The following LRRC49 variants were observed in gnomAD, a reference collection of about 807,000 sequenced individuals.
LRRC49 encodes leucine rich repeat containing 49.
A neutral mutation model predicts 83.3 loss-of-function variants in LRRC49; 50 were observed. The ratio of observed to expected loss-of-function variants is 0.60; its 90% CI spans 0.48 to 0.76. The LOEUF (loss-of-function observed/expected upper bound fraction) is 0.76. LRRC49 is among the 30% of genes least tolerant of loss of function. The pLI is 0.00. For missense variants in LRRC49, 704 were observed against 809.1 expected (o/e 0.87, Z 1.58); for synonymous variants, 286 against 283.3 (o/e 1.01, Z -0.10).
intron 1 of LRRC49, among the ~76,000 whole-genome samples, chr15:70,860,623 C>G (rs916397375): frequency 6.6e-6 from 1 of 152,104 alleles, no homozygotes; most frequent in Non-Finnish European, 1.5e-5. Context: ...GTTGTCCAGG[C>G]TGGTTTCTAA....
chr15:70,891,898 T>C, upstream of LRRC49: 1 of 1,613,132 alleles, frequency 6.2e-7, no homozygotes, highest in Non-Finnish European at 8.5e-7. Flanking sequence ...AGACTGGACC[T>C]GGGGCAGCCT....
At chr15:70,984,559 GC>G (rs1276551955) in intron 11 of LRRC49, 1 of 181,790 alleles carries the variant, frequency 5.5e-6, no homozygotes, top group Non-Finnish European at 1.1e-5. Flanking sequence ...ATGTTCTTCT[GC>G]TATTGCAGCA....
At chr15:70,853,779 G>T in intron 1 of LRRC49, 2 of 829,992 alleles carry the variant, frequency 2.4e-6, no homozygotes, top group Non-Finnish European at 1.6e-6. Context: ...CGGCGGGGCT[G>T]ACTCAACCCC....
chr15:70,998,772 CTT>C (rs71152323), intron 11 of LRRC49, among the ~76,000 whole-genome samples: 8 of 150,530 alleles, frequency 5.3e-5, no homozygotes, highest in East Asian at 1.9e-4. Flanking sequence ...ATTCTTTCTG[CTT>C]TTTTTTTTCT....
intron 14 of LRRC49, among the ~76,000 whole-genome samples, chr15:71,019,101 T>A (rs1446461693): frequency 1.3e-5 from 2 of 152,140 alleles, no homozygotes; most frequent in Non-Finnish European, 2.9e-5. Flanking sequence ...GTTCTCTGAA[T>A]CTTGTCCTTT....
intron 9 of LRRC49, among the ~76,000 whole-genome samples, chr15:70,976,271 C>A (rs2037203220): frequency 6.6e-6 from 1 of 152,042 alleles, no homozygotes; most frequent in Non-Finnish European, 1.5e-5. Context: ...CTAGGTGTGA[C>A]CCTGCAAAAA....
At position 71,037,160 on chromosome 15, in the gene LRRC49, CTT is replaced by C; in HGVS notation, c.1704-17_1704-16del. 1 of 1,575,242 alleles carries C rather than the reference CTT, an allele frequency of 6.3e-7. No individual in the cohort carries two copies. On this transcript the variant is annotated splice_polypyrimidine_tract_variant and intron_variant, in intron 14 of 15. Coordinates refer to ENST00000260382, the MANE Select transcript of LRRC49 (RefSeq NM_017691.5). Reference sequence around the variant, plus strand: ...GTCTGATAAGTAACTCTCTAAATCTCTTTACTGTCTTTCTACAGGAAAAAGCA... The same window carrying C: ...GTCTGATAAGTAACTCTCTAAATCTCTACTGTCTTTCTACAGGAAAAAGCA...
chr15:71,048,668 T>G, intron 15 of LRRC49: 1 of 406,796 alleles, frequency 2.5e-6, no homozygotes, highest in South Asian at 1.8e-5. Flanking sequence ...GTTAAATTCT[T>G]GATTAAACAA....
intron 11 of LRRC49, among the ~76,000 whole-genome samples, chr15:71,002,485 C>G (rs2038294862): frequency 6.6e-6 from 1 of 151,790 alleles, no homozygotes; most frequent in African/African-American, 2.4e-5. Flanking sequence ...TTTTCTCTGG[C>G]AGAAATTGGA....
chr15:70,900,881 G>A (rs1386364388), intron 3 of LRRC49, 41 bp from the exon 4 acceptor site: 3 of 1,242,434 alleles, frequency 2.4e-6, no homozygotes, highest in South Asian at 2.6e-5. Flanking sequence ...AGACTTCGAA[G>A]GTTTTTCTTA....
chr15:71,045,891 T>G (rs2039840304), intron 15 of LRRC49, among the ~76,000 whole-genome samples: 1 of 152,120 alleles, frequency 6.6e-6, no homozygotes, highest in Non-Finnish European at 1.5e-5. Context: ...GTTGTTCCCA[T>G]CTTCCATGTG....
chr15:70,980,005 C>A, intron 9 of LRRC49, 96 bp from the exon 10 acceptor site: 1 of 686,276 alleles, frequency 1.5e-6, no homozygotes, highest in Non-Finnish European at 2.5e-6. Context: ...AATACTATGC[C>A]TCTCAAGAAG....
chr15:70,966,412 A>G (rs1307511517), intron 9 of LRRC49, among the ~76,000 whole-genome samples: 3 of 152,064 alleles, frequency 2.0e-5, no homozygotes, highest in Non-Finnish European at 4.4e-5. Context: ...TGTTTCAATC[A>G]CTTCCTATCT....
intron 11 of LRRC49, among the ~76,000 whole-genome samples, chr15:71,000,457 A>G (rs999342945): frequency 2.0e-5 from 3 of 152,220 alleles, no homozygotes; most frequent in Admixed American, 1.3e-4. Context: ...TCTCTATAAT[A>G]TAACAATTTT....
intron 9 of LRRC49, among the ~76,000 whole-genome samples, chr15:70,978,645 A>C (rs2037291369): frequency 1.3e-5 from 2 of 152,180 alleles, no homozygotes; most frequent in African/African-American, 4.8e-5. Context: ...GACATATCAA[A>C]AGGATAGAAA....
chr15:70,961,968 G>T (rs2036615732), intron 8 of LRRC49, among the ~76,000 whole-genome samples: 1 of 152,196 alleles, frequency 6.6e-6, no homozygotes, highest in African/African-American at 2.4e-5. Flanking sequence ...TATTAAAAAT[G>T]TATGAAACAA....
chr15:70,911,133 T>C (rs2034532395), intron 5 of LRRC49, among the ~76,000 whole-genome samples: 1 of 152,194 alleles, frequency 6.6e-6, no homozygotes. Flanking sequence ...AGAATGCCTC[T>C]GTGGCTGGAG....
intron 2 of LRRC49, among the ~76,000 whole-genome samples, chr15:70,874,175 G>A (rs907143372): frequency 1.3e-5 from 2 of 152,154 alleles, no homozygotes; most frequent in Non-Finnish European, 1.5e-5. Flanking sequence ...AACAATCCTG[G>A]AAGTGTTCTA....
intron 1 of LRRC49, chr15:70,859,958 AC>A: frequency 1.3e-6 from 1 of 763,860 alleles, no homozygotes; most frequent in East Asian, 2.4e-5. Flanking sequence ...TACGAAGACC[AC>A]CAGCGGCTAT....
Sources: allele counts gnomAD v4.1 joint callset (sites outside exome capture counted in the v4.1 genomes callset), GRCh38; gene constraint gnomAD v4.1.1; transcripts MANE v1.5; gene names NCBI Gene and HGNC (gene_info 2026-07-23, HGNC 2026-07-21).